The following EGFLAM variants were observed in gnomAD, a reference collection of about 807,000 sequenced individuals.
EGFLAM encodes pikachurin.
EGFLAM carries 79 observed loss-of-function variants against 113.1 expected under a neutral mutation model. The ratio of observed to expected loss-of-function variants is 0.70; its 90% CI spans 0.58 to 0.84. The LOEUF is 0.84. Among genes scored for constraint, EGFLAM ranks in the 40% least tolerant of loss-of-function variants. EGFLAM has a pLI of 0.00. For missense variants in EGFLAM, 1,265 were observed against 1,291.6 expected (o/e 0.98, Z 0.32); for synonymous variants, 504 against 487.6 (o/e 1.03, Z -0.44).
At chr5:38,269,783 C>T (rs1347443380) in intron 1 of EGFLAM, among the ~76,000 whole-genome samples, 3 of 152,184 alleles carry the variant, frequency 2.0e-5, no homozygotes, top group Non-Finnish European at 4.4e-5. Flanking sequence ...GCCACTGCGC[C>T]TGGCCTGAAA....
At chr5:38,272,289 C>T (rs551466552) in intron 1 of EGFLAM, among the ~76,000 whole-genome samples, 2 of 152,244 alleles carry the variant, frequency 1.3e-5, no homozygotes, top group South Asian at 2.1e-4. Context: ...GAAGCAAAGG[C>T]AATACCATTT....
At chr5:38,295,092 G>C (rs142292097) in intron 1 of EGFLAM, among the ~76,000 whole-genome samples, 15 of 152,304 alleles carry the variant, frequency 9.8e-5, no homozygotes, top group African/African-American at 3.6e-4. Flanking sequence ...CTCCCAACGT[G>C]CTGGGAATAC....
chr5:38,382,641 T>A (rs1030647887), intron 6 of EGFLAM, among the ~76,000 whole-genome samples: 3 of 152,230 alleles, frequency 2.0e-5, no homozygotes, highest in African/African-American at 7.2e-5. Context: ...TAGCCTATGT[T>A]GCACTAATCT....
intron 1 of EGFLAM, chr5:38,282,470 A>G (rs1217139609): frequency 6.6e-6 from 1 of 152,202 alleles, no homozygotes; most frequent in Non-Finnish European, 1.5e-5. Context: ...ATCGTTATCA[A>G]TGCTATCAGT....
chr5:38,278,660 T>C lies in EGFLAM; in HGVS notation c.97+19809T>C, dbSNP rs1757945307. On this transcript the variant is annotated intron_variant, in intron 1 of 21. Transcript: ENST00000322350. ...CATACCACCACACCTGGCTAATTTT[T>C]GTACTTTTAGTAGAGATGGGGTTTC... Among the ~76,000 whole-genome samples the C allele has an allele frequency of 2.6e-5, 4 of 152,274 alleles. No individual in the cohort carries two copies. In the South Asian group the frequency reaches 8.3e-4, roughly 32 times the overall value.
At chr5:38,458,251 G>A in intron 19 of EGFLAM, 60 bp from the exon 20 acceptor site, 2 of 1,497,318 alleles carry the variant, frequency 1.3e-6, no homozygotes, top group Non-Finnish European at 1.8e-6. Flanking sequence ...TGTGAACCGT[G>A]TCTGCTTATG....
At chr5:38,443,329 A>G (rs1352585352) in intron 17 of EGFLAM, among the ~76,000 whole-genome samples, 9 of 152,234 alleles carry the variant, frequency 5.9e-5, no homozygotes, top group African/African-American at 2.2e-4. Context: ...TAAAATGCGA[A>G]GGATAACTTC....
chr5:38,439,589 A>G (rs975843347), intron 17 of EGFLAM, among the ~76,000 whole-genome samples: 4 of 152,230 alleles, frequency 2.6e-5, no homozygotes, highest in African/African-American at 9.6e-5. Flanking sequence ...AAAATATGAA[A>G]GATGCCAATT....
At chr5:38,294,594 G>A (rs973855675) in intron 1 of EGFLAM, among the ~76,000 whole-genome samples, 15 of 151,986 alleles carry the variant, frequency 9.9e-5, no homozygotes, top group Non-Finnish European at 1.3e-4. Context: ...CCTCTCCAAT[G>A]CTGAAATGAC....
chr5:38,263,422 A>G (rs1463461764), intron 1 of EGFLAM, among the ~76,000 whole-genome samples: 1 of 152,162 alleles, frequency 6.6e-6, no homozygotes, highest in East Asian at 1.9e-4. Flanking sequence ...AGATCGCACC[A>G]CTGCACTCCA....
chr5:38,451,153 G>C (rs767475743), intron 18 of EGFLAM, among the ~76,000 whole-genome samples, 162 bp from the exon 19 acceptor site: 6 of 152,198 alleles, frequency 3.9e-5, no homozygotes, highest in Non-Finnish European at 7.3e-5. Flanking sequence ...GAGCAGTCCA[G>C]ACCTTTAGAC....
intron 5 of EGFLAM, among the ~76,000 whole-genome samples, chr5:38,355,094 G>A (rs1702583425): frequency 6.6e-6 from 1 of 152,186 alleles, no homozygotes. Context: ...AGTTTATTTG[G>A]AAGTGGGAAT....
intron 1 of EGFLAM, among the ~76,000 whole-genome samples, chr5:38,330,222 T>C (rs1269470679): frequency 6.7e-6 from 1 of 148,968 alleles, no homozygotes; most frequent in African/African-American, 2.4e-5. Context: ...GATGTCAATA[T>C]TCTGGATGTC....
chr5:38,454,289 G>A, intron 19 of EGFLAM, among the ~76,000 whole-genome samples: 1 of 152,294 alleles, frequency 6.6e-6, no homozygotes, highest in East Asian at 1.9e-4. Flanking sequence ...GCACCCGGGT[G>A]TTTCCGGGAC....
At chr5:38,446,505 G>A (rs1478154992) in intron 17 of EGFLAM, among the ~76,000 whole-genome samples, 1 of 151,826 alleles carries the variant, frequency 6.6e-6, no homozygotes, top group Non-Finnish European at 1.5e-5. Flanking sequence ...TTTCCTCCCT[G>A]TTTCCCTTCC....
At chr5:38,385,291 G>T (rs192863323) in intron 6 of EGFLAM, among the ~76,000 whole-genome samples, 17,593 of 41,988 alleles carry the variant, frequency 0.42, 2,108 homozygotes, top group African/African-American at 0.54. Flanking sequence ...CCCCCCCCCC[G>T]CCCCCGCCAC....
chr5:38,454,638 G>A (rs576695534), intron 19 of EGFLAM, among the ~76,000 whole-genome samples: 4 of 152,102 alleles, frequency 2.6e-5, no homozygotes, highest in African/African-American at 7.2e-5. Context: ...CGGGCCCTGC[G>A]CCCAAGGGGC....
intron 1 of EGFLAM, among the ~76,000 whole-genome samples, chr5:38,268,899 G>A (rs1177745397): frequency 1.3e-5 from 2 of 152,156 alleles, no homozygotes; most frequent in Non-Finnish European, 2.9e-5. Context: ...TTTAAAAAAA[G>A]TTGGCCAGGC....
intron 10 of EGFLAM, among the ~76,000 whole-genome samples, chr5:38,411,575 TG>T (rs1741481916): frequency 1.4e-5 from 2 of 145,132 alleles, no homozygotes; most frequent in Admixed American, 1.4e-4. Flanking sequence ...CTCCACCTCC[TG>T]GGTTCAAGTG....
Sources: gnomAD v4.1 joint callset for allele counts (sites outside exome capture counted in the v4.1 genomes callset) on GRCh38, gnomAD v4.1.1 for gene constraint, MANE v1.5 for transcripts, NCBI Gene and HGNC (gene_info 2026-07-23, HGNC 2026-07-21) for gene names.